The following KDSR variants were observed in gnomAD, a reference collection of about 807,000 sequenced individuals.
KDSR encodes 3-ketodihydrosphingosine reductase, also known as 3-dehydrosphinganine reductase.
KDSR carries 23 observed loss-of-function variants against 41.3 expected under a neutral mutation model. The ratio of observed to expected loss-of-function variants is 0.56; its 90% CI spans 0.40 to 0.79. KDSR has a LOEUF of 0.79. Among genes scored for constraint, KDSR ranks in the 30% least tolerant of loss-of-function variants. The probability of loss-of-function intolerance (pLI) is 0.00; values close to 1 mark genes in which losing one functional copy is unlikely to be tolerated. For synonymous variants in KDSR, 138 were observed against 151.7 expected (o/e 0.91, Z 0.66); for missense variants, 351 against 416.8 (o/e 0.84, Z 1.37).
intron 5 of KDSR, among the ~76,000 whole-genome samples, 182 bp from the exon 6 acceptor site, chr18:63,351,261 G>C (rs1355416868): frequency 6.6e-6 from 1 of 151,382 alleles, no homozygotes; most frequent in African/African-American, 2.4e-5. Flanking sequence ...TTGAGACCTA[G>C]CATTTGAAGA....
At chr18:63,332,374 C>T (rs1914029659) in intron 9 of KDSR, among the ~76,000 whole-genome samples, 1 of 152,128 alleles carries the variant, frequency 6.6e-6, no homozygotes, top group Non-Finnish European at 1.5e-5. Flanking sequence ...AAACTACTGC[C>T]TCAGGGTTGA....
intron 7 of KDSR, among the ~76,000 whole-genome samples, chr18:63,343,700 A>C (rs1419247459): frequency 6.6e-6 from 1 of 151,768 alleles, no homozygotes; most frequent in African/African-American, 2.4e-5. Context: ...CTGGTCTTAA[A>C]TTTTATCTTC....
intron 2 of KDSR, among the ~76,000 whole-genome samples, chr18:63,361,957 T>C (rs1009693718): frequency 2.4e-4 from 37 of 152,204 alleles, no homozygotes; most frequent in Admixed American, 2.4e-3. Flanking sequence ...GGAGTTACCA[T>C]ACTATCACCC....
chr18:63,350,973 G>C lies in KDSR; in HGVS notation c.524C>G (p.Ala175Gly), dbSNP rs1914645742. 1.9e-6 allele frequency: 3 copies of C among 1,613,916 alleles called. No homozygotes were observed. Among genetic ancestry groups the C allele is most frequent in the Non-Finnish European group, 2.5e-6 (3 of 1,179,784 alleles). Residue 175 changes from alanine to glycine, a missense_variant, in exon 6 of 10, where the codon GCA (alanine) becomes GGA (glycine). Physicochemically the swap from Ala to Gly is moderately conservative, Grantham distance 60 (BLOSUM62 0). Coordinates refer to ENST00000645214, the MANE Select transcript of KDSR (RefSeq NM_002035.4). ...VGRIVFVSSQ[A>G]GQLGLFGFTA... ...GAAACCGAATAATCCCAACTGTCCT[G>C]CCTGGGAGGACACAAACACGATCCT...
rs200936916 is a variant in KDSR at position 63,360,245 on chromosome 18, G to GT, written c.199-454dup. ...TTCTTCTACTATAAACCCAAACATA[G>GT]TAAGAATCACTTTCTGGATAGACTG... On this transcript the variant is annotated intron_variant, in intron 2 of 9. Transcript: ENST00000645214. Among the ~76,000 whole-genome samples the GT allele has an allele frequency of 3.3e-5, 5 of 152,238 alleles. No individual in the cohort carries two copies. The East Asian group carries it at 9.7e-4, about 29-fold the overall frequency.
chr18:63,354,392 G>A (rs966724976), intron 5 of KDSR, among the ~76,000 whole-genome samples: 1 of 152,230 alleles, frequency 6.6e-6, no homozygotes, highest in African/African-American at 2.4e-5. Flanking sequence ...TTCAGGCCGG[G>A]CCTGGTGGCT....
intron 6 of KDSR, chr18:63,346,659 C>T (rs1022273419): frequency 2.0e-5 from 3 of 152,168 alleles, no homozygotes; most frequent in Non-Finnish European, 2.9e-5. Context: ...CCAGTCCAGT[C>T]GCTTCCTAGA....
chr18:63,366,900 T>G (rs1309733284), intron 1 of KDSR, 111 bp downstream of exon 1: 2 of 503,266 alleles, frequency 4.0e-6, no homozygotes, highest in African/African-American at 2.0e-5. Flanking sequence ...CATTTGGCCA[T>G]GCCTTCCTGG....
intron 9 of KDSR, 27 bp from the exon 10 acceptor site, chr18:63,331,928 T>C: frequency 6.2e-7 from 1 of 1,611,418 alleles, no homozygotes; most frequent in Non-Finnish European, 8.5e-7. Flanking sequence ...GAGCTTTTAG[T>C]GCATCCAACG....
At chr18:63,346,253 T>C (rs1044245169) in intron 6 of KDSR, 42 of 152,196 alleles carry the variant, frequency 2.8e-4, no homozygotes, top group African/African-American at 9.7e-4. Context: ...TGCTCATAAA[T>C]AGCTCTGGAT....
At chr18:63,357,510 A>G (rs1914828802) in intron 3 of KDSR, among the ~76,000 whole-genome samples, 1 of 149,304 alleles carries the variant, frequency 6.7e-6, no homozygotes, top group Non-Finnish European at 1.5e-5. Context: ...TTGCAGCAAC[A>G]TAAATGAATT....
chr18:63,332,053 A>C, intron 9 of KDSR, 152 bp from the exon 10 acceptor site: 1 of 782,106 alleles, frequency 1.3e-6, no homozygotes, highest in Middle Eastern at 2.5e-4. Flanking sequence ...GTAAGCTGTG[A>C]GAACAGAATG....
chr18:63,336,312 G>A (rs1315528752), intron 8 of KDSR, among the ~76,000 whole-genome samples: 5 of 152,180 alleles, frequency 3.3e-5, no homozygotes, highest in South Asian at 2.1e-4. Flanking sequence ...TTACAGGCAT[G>A]AGCCACCGTG....
At position 63,335,271 on chromosome 18, in the gene KDSR, C is replaced by G; in HGVS notation, c.865G>C (p.Glu289Gln). 6.2e-7 allele frequency: 1 copy of G among 1,612,400 alleles called. No homozygotes were observed. Among genetic ancestry groups the G allele is most frequent in the East Asian group, 2.2e-5 (1 of 44,884 alleles). The change falls in exon 9 of 10, where the codon GAG (glutamate) becomes CAG (glutamine). Residue 289 changes from glutamate (E) to glutamine (Q), a missense_variant. By Grantham distance (29) the Glu-to-Gln change is conservative. Coordinates refer to ENST00000645214, the MANE Select transcript of KDSR (RefSeq NM_002035.4). ...CGMAPVTSIT[E>Q]GLQQVVTMGL... ...GCAGAGCTTACCTGCTGGAGCCCCT[C>G]AGTAATAGAAGTTACTGGAGCCATC...
In KDSR at chr18:63,367,013, C is replaced by T; in HGVS notation, c.106G>A (p.Val36Met). 1 of 1,311,228 alleles carries T rather than the reference C, an allele frequency of 7.6e-7. No individual in the cohort carries two copies. Among genetic ancestry groups the T allele is most frequent in the Non-Finnish European group, 9.8e-7 (1 of 1,020,746 alleles). 81.2% of individuals were successfully genotyped at this position (1,311,228 alleles called of 1,614,324 possible). A position where few individuals can be genotyped will look rare whatever the true frequency, so the allele number is the denominator to read the frequency against. Residue 36 changes from valine to methionine, a missense_variant and splice_region_variant, in exon 1 of 10, where the codon GTG becomes ATG. Val to Met is a conservative substitution (Grantham distance 21). Transcript: ENST00000645214. Reference sequence around the variant, plus strand: ...GGCAGCAACAGGAGGCCACTCACCACCACATGCGCCCCGGGCAGGGCGAGG... The same window carrying T: ...GGCAGCAACAGGAGGCCACTCACCATCACATGCGCCCCGGGCAGGGCGAGG... ...KPLALPGAHV[V>M]VTGGSSGIGK...
At position 63,329,218 on chromosome 18, in the gene KDSR, C is replaced by T. The variant is rs1179577724; in HGVS notation, c.*2564G>A. On this transcript the variant is annotated 3_prime_UTR_variant, in exon 10 of 10. Transcript: ENST00000645214. ...TGCCTACAACCCCTTATCCAAAACC[C>T]GCTGGGCTGGATGTGTTTCAGAATT... 2 of 208,402 alleles carry T rather than the reference C, an allele frequency of 9.6e-6. No homozygotes were observed. Among genetic ancestry groups the T allele is most frequent in the African/African-American group, 2.3e-5 (1 of 43,918 alleles). The allele number at this position is 208,402 out of a possible 1,614,324, so 12.9% of individuals were successfully genotyped here.
Position 63,332,526 on chromosome 18 carries a change from G to A in KDSR, c.880-625C>T, listed in dbSNP as rs576274589. Among the ~76,000 whole-genome samples the A allele has an allele frequency of 4.6e-5, 7 of 152,216 alleles. No individual in the cohort carries two copies. In the South Asian group the frequency reaches 1.5e-3, roughly 32 times the overall value. On this transcript the variant is annotated intron_variant, in intron 9 of 9. Coordinates refer to ENST00000645214, the MANE Select transcript of KDSR (RefSeq NM_002035.4). Reference sequence around the variant, plus strand: ...GCTGGGACCATAGGCATGAGTCCCCGTGCATAAGAGAATGGAAAAATCAGG... The same window carrying A: ...GCTGGGACCATAGGCATGAGTCCCCATGCATAAGAGAATGGAAAAATCAGG...
At chr18:63,365,850 G>T (rs1444397105) in intron 1 of KDSR, 1 of 152,148 alleles carries the variant, frequency 6.6e-6, no homozygotes, top group Non-Finnish European at 1.5e-5. Context: ...TTCCCCATTA[G>T]GAACAGGAGG....
At chr18:63,339,423 A>T (rs1182417420) in intron 7 of KDSR, among the ~76,000 whole-genome samples, 1 of 152,228 alleles carries the variant, frequency 6.6e-6, no homozygotes, top group East Asian at 1.9e-4. Context: ...GGACTTGCTG[A>T]GGAGGCAAAT....
Sources: allele counts gnomAD v4.1 joint callset (sites outside exome capture counted in the v4.1 genomes callset), GRCh38; gene constraint gnomAD v4.1.1; transcripts MANE v1.5; gene names NCBI Gene and HGNC (gene_info 2026-07-23, HGNC 2026-07-21).